The following ABTB3 variants were observed in gnomAD, a reference collection of about 807,000 sequenced individuals.
ABTB3 encodes ankyrin repeat- and BTB/POZ domain-containing protein 3.
chr12:107,566,125 G>A, the ABTB3 span, among the ~76,000 whole-genome samples: 1 of 152,178 alleles, frequency 6.6e-6, no homozygotes, highest in Non-Finnish European at 1.5e-5. Context: ...CCAAATGGTG[G>A]TTTTGTGCAG....
chr12:107,439,247 G>A, the ABTB3 span, among the ~76,000 whole-genome samples: 17 of 152,146 alleles, frequency 1.1e-4, no homozygotes, highest in African/African-American at 4.1e-4. Flanking sequence ...CTGGCTTAAC[G>A]ATAAGGTTGG....
the ABTB3 span, among the ~76,000 whole-genome samples, chr12:107,567,352 T>C: frequency 6.6e-6 from 1 of 152,276 alleles, no homozygotes; most frequent in Non-Finnish European, 1.5e-5. Flanking sequence ...TACAGTCATG[T>C]GCCGTGGGAC....
the ABTB3 span, among the ~76,000 whole-genome samples, chr12:107,538,325 G>A: frequency 6.6e-5 from 10 of 152,210 alleles, no homozygotes; most frequent in Admixed American, 2.6e-4. Flanking sequence ...TTCCTCATTT[G>A]TGAGATGCAT....
At chr12:107,617,313 T>C in the ABTB3 span, 1 of 1,614,162 alleles carries the variant, frequency 6.2e-7, no homozygotes, top group South Asian at 1.1e-5. Flanking sequence ...AATTTTGAGC[T>C]GGTTAGTTTG....
the ABTB3 span, among the ~76,000 whole-genome samples, chr12:107,326,284 CTGAT>C: frequency 6.6e-6 from 1 of 152,190 alleles, no homozygotes; most frequent in African/African-American, 2.4e-5. Flanking sequence ...CACTTAAACT[CTGAT>C]TGGGAGAGGA....
the ABTB3 span, among the ~76,000 whole-genome samples, chr12:107,416,808 G>A: frequency 6.6e-6 from 1 of 152,098 alleles, no homozygotes; most frequent in South Asian, 2.1e-4. Context: ...TGTAAAAAAT[G>A]TTTTGTAGAC....
chr12:107,532,874 G>A, the ABTB3 span, among the ~76,000 whole-genome samples: 1 of 138,224 alleles, frequency 7.2e-6, no homozygotes, highest in African/African-American at 2.8e-5. Context: ...TATATTCAAA[G>A]TGCTGAAAGG....
the ABTB3 span, among the ~76,000 whole-genome samples, chr12:107,492,766 C>G: frequency 6.6e-6 from 1 of 152,156 alleles, no homozygotes; most frequent in African/African-American, 2.4e-5. Context: ...AAAACAGTGT[C>G]TCAGTGAAAG....
the ABTB3 span, among the ~76,000 whole-genome samples, chr12:107,565,984 C>G: frequency 6.6e-6 from 1 of 152,276 alleles, no homozygotes; most frequent in East Asian, 1.9e-4. Context: ...CACAAGCTTC[C>G]TTCCTGGTTT....
the ABTB3 span, among the ~76,000 whole-genome samples, chr12:107,571,353 A>G: frequency 6.6e-6 from 1 of 152,128 alleles, no homozygotes; most frequent in Non-Finnish European, 1.5e-5. Flanking sequence ...CAGAGTACAT[A>G]CCCTTACTAC....
At chr12:107,617,030 T>C in the ABTB3 span, 1 of 1,557,414 alleles carries the variant, frequency 6.4e-7, no homozygotes, top group Non-Finnish European at 8.9e-7. Flanking sequence ...CAGTCTTTCC[T>C]GACACCTGTG....
At chr12:107,603,542 C>T in the ABTB3 span, among the ~76,000 whole-genome samples, 1 of 152,164 alleles carries the variant, frequency 6.6e-6, no homozygotes, top group Admixed American at 6.6e-5. Flanking sequence ...AAATTAGACC[C>T]TTATGGCATC....
At chr12:107,524,988 A>T in the ABTB3 span, among the ~76,000 whole-genome samples, 2,303 of 152,304 alleles carry the variant, frequency 0.015, 27 homozygotes, top group Non-Finnish European at 0.021. Context: ...GCGTCATGAC[A>T]TTCCAGTCAA....
chr12:107,361,068 G>T, the ABTB3 span, among the ~76,000 whole-genome samples: 1 of 149,030 alleles, frequency 6.7e-6, no homozygotes, highest in South Asian at 2.1e-4. Context: ...GGGATTACAG[G>T]TGTGAGCCAC....
At chr12:107,637,254 C>T in the ABTB3 span, among the ~76,000 whole-genome samples, 1 of 152,026 alleles carries the variant, frequency 6.6e-6, no homozygotes, top group Non-Finnish European at 1.5e-5. Flanking sequence ...TATCCGGACG[C>T]AATGGCGCAT....
chr12:107,336,049 C>T, the ABTB3 span, among the ~76,000 whole-genome samples: 1 of 152,238 alleles, frequency 6.6e-6, no homozygotes, highest in Non-Finnish European at 1.5e-5. Flanking sequence ...TCCTCCTTCA[C>T]TGCTGCATCC....
At chr12:107,584,321 C>A in the ABTB3 span, among the ~76,000 whole-genome samples, 22,033 of 152,150 alleles carry the variant, frequency 0.14, 1,737 homozygotes, top group East Asian at 0.29. Context: ...TGCAAGACAG[C>A]CTTTATTATC....
the ABTB3 span, chr12:107,612,908 G>A: frequency 6.3e-7 from 1 of 1,584,692 alleles, no homozygotes; most frequent in Non-Finnish European, 8.6e-7. Flanking sequence ...TCGGCCGGCA[G>A]TCCCCAGGGG....
At chr12:107,643,504 G>C in the ABTB3 span, among the ~76,000 whole-genome samples, 1 of 151,452 alleles carries the variant, frequency 6.6e-6, no homozygotes, top group Admixed American at 6.6e-5. Flanking sequence ...GGAGCCCCAA[G>C]GTGGGCCTGG....
Sources: allele counts gnomAD v4.1 joint callset (sites outside exome capture counted in the v4.1 genomes callset), GRCh38; gene constraint gnomAD v4.1.1; transcripts MANE v1.5; gene names NCBI Gene and HGNC (gene_info 2026-07-23, HGNC 2026-07-21).